Variants in TEAD1 observed in about 807,000 individuals in gnomAD.
The protein encoded by TEAD1 is TEA domain transcription factor 1.
A neutral mutation model predicts 54.9 loss-of-function variants in TEAD1; 9 were observed. The ratio of observed to expected loss-of-function variants is 0.16; its 90% CI spans 0.10 to 0.29. TEAD1 has a LOEUF of 0.29. Ranked by LOEUF, TEAD1 falls within the 10% of genes least tolerant of loss-of-function variation. The probability of loss-of-function intolerance (pLI) is 1.00; values close to 1 mark genes in which losing one functional copy is unlikely to be tolerated. For synonymous variants in TEAD1, 200 were observed against 187.8 expected (o/e 1.07, Z -0.53); for missense variants, 387 against 535.9 (o/e 0.72, Z 2.74).
intron 3 of TEAD1, among the ~76,000 whole-genome samples, chr11:12,833,341 A>C (rs2134020569): frequency 6.6e-6 from 1 of 152,320 alleles, no homozygotes; most frequent in South Asian, 2.1e-4. Context: ...CAGCCTGCAG[A>C]GATGTGCTGA....
Position 12,786,884 on chromosome 11 carries a change from C to G in TEAD1, c.202+22450C>G, listed in dbSNP as rs113503223. 1.9e-3 allele frequency among the ~76,000 whole-genome samples: 295 copies of G among 152,232 alleles called. 1 individual carries two copies. The highest frequency in any genetic ancestry group is 6.3e-3 in the African/African-American group (262 of 41,536). Reference sequence around the variant, plus strand: ...AAGATGAGGGATTGAGGGGATAAGCCAGACAGACATTTGCAGAAGAGTCTT... The same window carrying G: ...AAGATGAGGGATTGAGGGGATAAGCGAGACAGACATTTGCAGAAGAGTCTT... On this transcript the variant is annotated intron_variant, in intron 3 of 12. Transcript: ENST00000527636.
intron 10 of TEAD1, among the ~76,000 whole-genome samples, chr11:12,907,451 G>T (rs1391657151): frequency 2.0e-5 from 3 of 152,134 alleles, no homozygotes; most frequent in Non-Finnish European, 4.4e-5. Context: ...GCCTTTTCTA[G>T]TTTTATTATA....
intron 3 of TEAD1, among the ~76,000 whole-genome samples, chr11:12,861,302 C>T (rs1180473560): frequency 6.6e-6 from 1 of 152,128 alleles, no homozygotes; most frequent in South Asian, 2.1e-4. Context: ...TCTCAGTTTC[C>T]TGGTGGGATA....
chr11:12,765,062 T>TG (rs202138715), intron 3 of TEAD1, among the ~76,000 whole-genome samples: 462 of 152,200 alleles, frequency 3.0e-3, no homozygotes, highest in African/African-American at 0.011. Flanking sequence ...ATTAGCACCC[T>TG]GGGTCACTGT....
intron 3 of TEAD1, among the ~76,000 whole-genome samples, chr11:12,792,355 T>TAA (rs10630085): frequency 0.055 from 5,413 of 98,574 alleles, 482 homozygotes; most frequent in African/African-American, 0.17. Context: ...GGGAAAATAG[T>TAA]AAAAAAAAAA....
At position 12,902,116 on chromosome 11, in the gene TEAD1, G is replaced by A. The variant is rs1180186913; in HGVS notation, c.873+3G>A. 2 of 1,614,118 alleles carry A rather than the reference G, an allele frequency of 1.2e-6. No homozygotes were observed. The highest frequency in any genetic ancestry group is 1.7e-6 in the Non-Finnish European group (2 of 1,180,052). Reference sequence around the variant, plus strand: ...CCTTCTTCCTCGTAAAATTCTGGGTGAGTAAGACATTGCTGTGATTTCCGT... The same window carrying A: ...CCTTCTTCCTCGTAAAATTCTGGGTAAGTAAGACATTGCTGTGATTTCCGT... On this transcript the variant is annotated splice_donor_region_variant and intron_variant, in intron 10 of 12. Transcript: ENST00000527636.
chr11:12,821,693 A>T (rs1946548019), intron 3 of TEAD1, among the ~76,000 whole-genome samples: 1 of 152,192 alleles, frequency 6.6e-6, no homozygotes, highest in South Asian at 2.1e-4. Context: ...TTATAAAAAA[A>T]TGCCCAGATC....
chr11:12,708,078 AG>A (rs1268012690), intron 2 of TEAD1, among the ~76,000 whole-genome samples: 5 of 150,144 alleles, frequency 3.3e-5, no homozygotes, highest in African/African-American at 1.2e-4. Flanking sequence ...AGTCCCTTAC[AG>A]GACAAGAATG....
At chr11:12,737,788 A>C (rs1944567305) in intron 2 of TEAD1, among the ~76,000 whole-genome samples, 1 of 152,176 alleles carries the variant, frequency 6.6e-6, no homozygotes, top group African/African-American at 2.4e-5. Flanking sequence ...GTAAGGGTGG[A>C]GGTGTATATA....
At position 12,831,251 on chromosome 11, in the gene TEAD1, A is replaced by G. The variant is rs534602480; in HGVS notation, c.203-30999A>G. Reference sequence around the variant, plus strand: ...TTACCCTTCTTCAGAGCCCATCTCAAATTTTGTTTCTTCCATGAATTCTTT... The same window carrying G: ...TTACCCTTCTTCAGAGCCCATCTCAGATTTTGTTTCTTCCATGAATTCTTT... On this transcript the variant is annotated intron_variant, in intron 3 of 12. Coordinates refer to ENST00000527636, the MANE Select transcript of TEAD1 (RefSeq NM_021961.6). Among the ~76,000 whole-genome samples, 4 of 152,098 alleles carry G rather than the reference A, an allele frequency of 2.6e-5. No individual in the cohort carries two copies. In the South Asian group the frequency reaches 6.2e-4, roughly 24 times the overall value.
At chr11:12,883,908 T>C (rs1948028403) in intron 9 of TEAD1, among the ~76,000 whole-genome samples, 1 of 151,736 alleles carries the variant, frequency 6.6e-6, no homozygotes, top group African/African-American at 2.4e-5. Flanking sequence ...GGCAGGATAA[T>C]TGGTTGAACC....
At chr11:12,783,057 C>T (rs79121703) in intron 3 of TEAD1, among the ~76,000 whole-genome samples, 1,959 of 150,064 alleles carry the variant, frequency 0.013, 46 homozygotes, top group African/African-American at 0.047. Flanking sequence ...TGATAAAAGC[C>T]AGAGTTTTTG....
intron 4 of TEAD1, chr11:12,864,634 T>G: frequency 1.6e-6 from 2 of 1,263,422 alleles, no homozygotes; most frequent in Non-Finnish European, 2.1e-6. Flanking sequence ...TTTGTTTTGT[T>G]TTGTTTTGTT....
intron 2 of TEAD1, among the ~76,000 whole-genome samples, chr11:12,759,467 T>C (rs1397687551): frequency 6.6e-6 from 1 of 151,118 alleles, no homozygotes; most frequent in African/African-American, 2.5e-5. Flanking sequence ...TTGGAGTTTA[T>C]TGGAGTGTGT....
intron 9 of TEAD1, among the ~76,000 whole-genome samples, chr11:12,891,380 C>T (rs1193351797): frequency 6.6e-6 from 1 of 152,200 alleles, no homozygotes; most frequent in Non-Finnish European, 1.5e-5. Context: ...ATACTGTTGG[C>T]CAGCTGGTGG....
intron 2 of TEAD1, among the ~76,000 whole-genome samples, chr11:12,699,049 T>A (rs1452647583): frequency 6.6e-6 from 1 of 152,190 alleles, no homozygotes; most frequent in Non-Finnish European, 1.5e-5. Context: ...TTTAAAAAAA[T>A]GAAATCATGG....
intron 3 of TEAD1, among the ~76,000 whole-genome samples, chr11:12,788,018 A>C (rs1945715607): frequency 6.7e-6 from 1 of 149,978 alleles, no homozygotes. Context: ...GCTGGAGTGC[A>C]ATGACTCAGT....
chr11:12,912,929 C>T (rs1369029919), intron 10 of TEAD1, among the ~76,000 whole-genome samples: 1 of 152,092 alleles, frequency 6.6e-6, no homozygotes, highest in Non-Finnish European at 1.5e-5. Flanking sequence ...TCCCTTCCTT[C>T]TGGGGCCATT....
chr11:12,678,903 A>G (rs537927862), intron 2 of TEAD1, among the ~76,000 whole-genome samples: 1 of 152,198 alleles, frequency 6.6e-6, no homozygotes, highest in Non-Finnish European at 1.5e-5. Context: ...GCTTTGAAAT[A>G]TGTGTTTTAT....
Sources: gnomAD v4.1 joint callset for allele counts (sites outside exome capture counted in the v4.1 genomes callset) on GRCh38, gnomAD v4.1.1 for gene constraint, MANE v1.5 for transcripts, NCBI Gene and HGNC (gene_info 2026-07-23, HGNC 2026-07-21) for gene names.